NELL1: variants seen among roughly 807,000 people sequenced by gnomAD.
NELL1 encodes the protein neural EGFL like 1, also known as protein kinase C-binding protein NELL1.
Under a neutral mutation model 107.4 loss-of-function variants are expected in NELL1, and 76 were observed. That is an observed-to-expected ratio of 0.71 (90% CI 0.59 to 0.86). NELL1 has a LOEUF of 0.86. NELL1 is among the 40% of genes least tolerant of loss of function. The pLI is 0.00. For synonymous variants in NELL1, 353 were observed against 341.2 expected (o/e 1.03, Z -0.38); for missense variants, 1,024 against 1,005.5 (o/e 1.02, Z -0.25).
intron 12 of NELL1, among the ~76,000 whole-genome samples, chr11:21,108,290 G>GC (rs1855018352): frequency 6.6e-6 from 1 of 152,130 alleles, no homozygotes; most frequent in Non-Finnish European, 1.5e-5. Flanking sequence ...TGATGATGAT[G>GC]CCAAATTTGA....
chr11:20,875,438 A>G (rs901793292), intron 4 of NELL1, among the ~76,000 whole-genome samples: 2 of 152,156 alleles, frequency 1.3e-5, no homozygotes, highest in Non-Finnish European at 1.5e-5. Context: ...GTATAGTAGC[A>G]TGCACCTATA....
intron 4 of NELL1, among the ~76,000 whole-genome samples, chr11:20,874,090 A>G (rs1304865628): frequency 6.6e-6 from 1 of 151,688 alleles, no homozygotes; most frequent in African/African-American, 2.4e-5. Flanking sequence ...TTTTTGAGAC[A>G]GAGTTTCCCT....
intron 12 of NELL1, among the ~76,000 whole-genome samples, chr11:20,974,037 C>T (rs940857099): frequency 1.1e-4 from 17 of 152,210 alleles, no homozygotes; most frequent in Admixed American, 4.6e-4. Flanking sequence ...TGTTTAGGCT[C>T]GGGAGGAAGG....
chr11:20,712,503 A>G (rs1855138349), intron 2 of NELL1, among the ~76,000 whole-genome samples: 1 of 152,126 alleles, frequency 6.6e-6, no homozygotes, highest in African/African-American at 2.4e-5. Flanking sequence ...CTTGGTTTGG[A>G]TCCATTGCTG....
chr11:21,356,682 T>G (rs899964987), intron 14 of NELL1, among the ~76,000 whole-genome samples: 4 of 152,144 alleles, frequency 2.6e-5, no homozygotes, highest in African/African-American at 7.2e-5. Flanking sequence ...AAATAGTTTT[T>G]GGGGAACAGG....
intron 13 of NELL1, among the ~76,000 whole-genome samples, chr11:21,183,536 C>T (rs1455107980): frequency 5.3e-5 from 8 of 151,810 alleles, no homozygotes; most frequent in Admixed American, 2.6e-4. Flanking sequence ...AAAACAATAT[C>T]TACTCCCCCT....
intron 14 of NELL1, among the ~76,000 whole-genome samples, chr11:21,236,651 T>C (rs1858214021): frequency 6.6e-6 from 1 of 152,154 alleles, no homozygotes; most frequent in South Asian, 2.1e-4. Flanking sequence ...TGGCCTAATT[T>C]GAGAGGCAAT....
At chr11:21,565,193 G>C (rs1025155689) in intron 17 of NELL1, among the ~76,000 whole-genome samples, 2 of 151,920 alleles carry the variant, frequency 1.3e-5, no homozygotes, top group African/African-American at 4.8e-5. Context: ...AGCTGTGCAA[G>C]CTGTAAGATT....
intron 14 of NELL1, among the ~76,000 whole-genome samples, chr11:21,287,020 C>A (rs1175706586): frequency 6.6e-6 from 1 of 152,142 alleles, no homozygotes; most frequent in Non-Finnish European, 1.5e-5. Context: ...CCTATAAGTG[C>A]TTAGTGTATT....
chr11:20,831,815 T>G (rs1350633086), intron 3 of NELL1, among the ~76,000 whole-genome samples: 4 of 152,224 alleles, frequency 2.6e-5, no homozygotes, highest in African/African-American at 9.7e-5. Context: ...TTGTGAAATT[T>G]ATAAGAATTC....
At chr11:21,160,548 T>C (rs1418617570) in intron 13 of NELL1, among the ~76,000 whole-genome samples, 3 of 152,196 alleles carry the variant, frequency 2.0e-5, no homozygotes, top group African/African-American at 7.2e-5. Context: ...TGGAATCCAT[T>C]AGCATTTTGT....
At chr11:20,915,687 A>C (rs1850228967) in intron 5 of NELL1, among the ~76,000 whole-genome samples, 1 of 129,298 alleles carries the variant, frequency 7.7e-6, no homozygotes, top group African/African-American at 3.0e-5. Context: ...CATCTGTGGA[A>C]ATCCTCATAG....
intron 5 of NELL1, among the ~76,000 whole-genome samples, chr11:20,915,715 ATATTTTTT>A (rs1406295744): frequency 1.7e-5 from 1 of 58,948 alleles, no homozygotes; most frequent in African/African-American, 9.8e-5. Context: ...ATATATATAT[ATATTTTTT>A]TTTTTTTTTT....
chr11:21,234,992 G>A (rs185819735), intron 14 of NELL1, among the ~76,000 whole-genome samples: 387 of 152,228 alleles, frequency 2.5e-3, no homozygotes, highest in South Asian at 6.4e-3. Flanking sequence ...ATAAACTACT[G>A]GGCTGTGAAT....
chr11:20,993,546 T>G (rs1176107346), intron 12 of NELL1, among the ~76,000 whole-genome samples: 2 of 152,142 alleles, frequency 1.3e-5, no homozygotes, highest in African/African-American at 4.8e-5. Context: ...TCAGTGTCTG[T>G]GGGGGATTGG....
chr11:21,025,227 A>G (rs1852788404), intron 12 of NELL1, among the ~76,000 whole-genome samples: 1 of 152,136 alleles, frequency 6.6e-6, no homozygotes, highest in Non-Finnish European at 1.5e-5. Context: ...TATAAAAACC[A>G]TAGCATTCTC....
intron 2 of NELL1, among the ~76,000 whole-genome samples, chr11:20,717,797 A>G (rs1329989302): frequency 2.0e-5 from 3 of 152,162 alleles, no homozygotes; most frequent in Admixed American, 1.3e-4. Context: ...TTTGTCCCCC[A>G]GTAAATAATA....
At chr11:21,496,218 A>G (rs1053008171) in intron 15 of NELL1, among the ~76,000 whole-genome samples, 3 of 151,992 alleles carry the variant, frequency 2.0e-5, no homozygotes, top group African/African-American at 7.2e-5. Context: ...CCTTAGGTTT[A>G]GAAGCCAGTT....
intron 15 of NELL1, among the ~76,000 whole-genome samples, chr11:21,472,209 A>G (rs1854200271): frequency 1.3e-5 from 2 of 151,932 alleles, no homozygotes; most frequent in East Asian, 1.9e-4. Context: ...GCTGTGGCTC[A>G]CTGTTCAGCA....
Sources: gnomAD v4.1 joint callset for allele counts (sites outside exome capture counted in the v4.1 genomes callset) on GRCh38, gnomAD v4.1.1 for gene constraint, MANE v1.5 for transcripts, NCBI Gene and HGNC (gene_info 2026-07-23, HGNC 2026-07-21) for gene names.